BORCS7: variants seen among roughly 807,000 people sequenced by gnomAD.
BORCS7 encodes BLOC-1 related complex subunit 7, also known as BLOC-1-related complex subunit 7.
A neutral mutation model predicts 17.5 loss-of-function variants in BORCS7; 20 were observed. The observed-to-expected ratio is 1.14, with a 90% confidence interval of 0.80 to 1.66. The LOEUF is 1.66. Among genes scored for constraint, BORCS7 ranks in the 40% most tolerant of loss-of-function variants. The pLI is 0.00. For synonymous variants in BORCS7, 57 were observed against 49.8 expected, an observed-to-expected ratio of 1.14 and a Z score of -0.61; for missense variants, 122 against 129.7, an observed-to-expected ratio of 0.94 and a Z score of 0.29.
chr10:102,860,595 G>T, intron 3 of BORCS7, 54 bp downstream of exon 3: 7 of 1,574,540 alleles, frequency 4.4e-6, no homozygotes, highest in Non-Finnish European at 5.2e-6. Flanking sequence ...TCCCTGGTCT[G>T]CTTTCATGGA....
intron 1 of BORCS7, among the ~76,000 whole-genome samples, chr10:102,855,452 G>T (rs868690549): frequency 6.6e-6 from 1 of 152,066 alleles, no homozygotes; most frequent in Non-Finnish European, 1.5e-5. Flanking sequence ...CACCGCTCCT[G>T]GCAGCATTGC....
At chr10:102,855,825 ATC>A (rs1318023995) in intron 1 of BORCS7, among the ~76,000 whole-genome samples, 2 of 152,016 alleles carry the variant, frequency 1.3e-5, no homozygotes, top group African/African-American at 2.4e-5. Flanking sequence ...CAGTGGCCCG[ATC>A]TCGGGCTCAC....
At chr10:102,858,342 A>G (rs1844463565) in intron 1 of BORCS7, among the ~76,000 whole-genome samples, 1 of 151,864 alleles carries the variant, frequency 6.6e-6, no homozygotes, top group Non-Finnish European at 1.5e-5. Flanking sequence ...GAAAACCACA[A>G]AGCTAATAAA....
intron 3 of BORCS7, among the ~76,000 whole-genome samples, chr10:102,861,257 A>G (rs1844515795): frequency 6.6e-6 from 1 of 151,954 alleles, no homozygotes; most frequent in African/African-American, 2.4e-5. Flanking sequence ...TCTACTAAAG[A>G]TACAAAAAAG....
At chr10:102,857,205 C>T (rs1260605819) in intron 1 of BORCS7, among the ~76,000 whole-genome samples, 1 of 152,166 alleles carries the variant, frequency 6.6e-6, no homozygotes, top group Non-Finnish European at 1.5e-5. Flanking sequence ...AATGCTTCCC[C>T]ATCAGCACTT....
chr10:102,855,477 C>G (rs1279507032), intron 1 of BORCS7, among the ~76,000 whole-genome samples: 1 of 152,084 alleles, frequency 6.6e-6, no homozygotes, highest in Non-Finnish European at 1.5e-5. Context: ...TGAGCAGTCT[C>G]CACATAGCTA....
chr10:102,862,228 T>C, intron 4 of BORCS7, 48 bp downstream of exon 4: 1 of 1,562,108 alleles, frequency 6.4e-7, no homozygotes, highest in Non-Finnish European at 8.8e-7. Context: ...TGAAGCAGGC[T>C]GGGGGGATTT....
intron 3 of BORCS7, 25 bp downstream of exon 3, chr10:102,860,566 AT>A (rs757191352): frequency 6.2e-7 from 1 of 1,605,848 alleles, no homozygotes. Context: ...TCCAGCAACT[AT>A]TTGCTGCAGA....
chr10:102,860,273 G>T, intron 1 of BORCS7, 59 bp from the exon 2 acceptor site: 1 of 1,469,006 alleles, frequency 6.8e-7, no homozygotes, highest in African/African-American at 1.4e-5. Flanking sequence ...CAGCTGCAGA[G>T]AGAAGATTAC....
At chr10:102,857,696 C>T (rs538292101) in intron 1 of BORCS7, among the ~76,000 whole-genome samples, 1 of 152,320 alleles carries the variant, frequency 6.6e-6, no homozygotes, top group African/African-American at 2.4e-5. Context: ...AGACTGGGAA[C>T]AGCCTCCAAA....
In BORCS7 at chr10:102,864,950, C is replaced by CTT. The variant is rs1417601325; in HGVS notation, c.*2028_*2029dup. 2 of 150,934 alleles carry CTT rather than the reference C, an allele frequency of 1.3e-5. No individual in the cohort carries two copies. Among genetic ancestry groups the CTT allele is most frequent in the Non-Finnish European group, 2.9e-5 (2 of 67,850 alleles). The allele number at this position is 150,934 out of a possible 1,614,324, so 9.3% of individuals were successfully genotyped here. On this transcript the variant is annotated 3_prime_UTR_variant, in exon 5 of 5. Coordinates refer to ENST00000339834, the MANE Select transcript of BORCS7 (RefSeq NM_001136200.2). ...GCAGTACTATAAGAAAATAAGCATG[C>CTT]TTTAAATCCCTGTATTAGGGATAGA...
At chr10:102,856,243 G>GT (rs1844424759) in intron 1 of BORCS7, among the ~76,000 whole-genome samples, 1 of 151,946 alleles carries the variant, frequency 6.6e-6, no homozygotes, top group Non-Finnish European at 1.5e-5. Flanking sequence ...GGTCCATTGT[G>GT]TTTTTTTCTA....
intron 1 of BORCS7, among the ~76,000 whole-genome samples, chr10:102,859,152 T>C (rs1212561385): frequency 4.6e-5 from 7 of 151,764 alleles, no homozygotes; most frequent in African/African-American, 7.2e-5. Context: ...CTTTTCTTTT[T>C]TTTTTTTTTG....
intron 1 of BORCS7, among the ~76,000 whole-genome samples, chr10:102,858,268 G>A (rs1445796082): frequency 6.6e-6 from 1 of 151,696 alleles, no homozygotes; most frequent in Admixed American, 6.6e-5. Context: ...TACATTTTAA[G>A]TAGGAAAGTG....
At chr10:102,856,062 C>T (rs765788065) in intron 1 of BORCS7, among the ~76,000 whole-genome samples, 16 of 152,090 alleles carry the variant, frequency 1.1e-4, no homozygotes, top group Non-Finnish European at 2.2e-4. Context: ...CACACCCGGT[C>T]GAAAGGGTTA....
intron 1 of BORCS7, among the ~76,000 whole-genome samples, chr10:102,858,194 G>GT (rs1844460405): frequency 1.0e-5 from 1 of 96,648 alleles, no homozygotes; most frequent in Non-Finnish European, 2.3e-5. Flanking sequence ...TATATATAGA[G>GT]AGAGAGAGCG....
rs1844558311 is a variant in BORCS7 at position 102,863,943 on chromosome 10, A to G, written c.*1019A>G. 1 of 152,220 alleles carries G rather than the reference A, an allele frequency of 6.6e-6. No homozygotes were observed. Among genetic ancestry groups the G allele is most frequent in the African/African-American group, 2.4e-5 (1 of 41,466 alleles). 9.4% of individuals were successfully genotyped at this position (152,220 alleles called of 1,614,324 possible). A position where few individuals can be genotyped will look rare whatever the true frequency, so the allele number is the denominator to read the frequency against. ...TTCACTTGCATGACGTTACTGCCAA[A>G]TATGAAGGCAGTTGAATTATTATGA... On this transcript the variant is annotated 3_prime_UTR_variant, in exon 5 of 5. Transcript: ENST00000339834.
intron 3 of BORCS7, chr10:102,860,894 A>C (rs1844507963): frequency 5.7e-6 from 2 of 351,190 alleles, no homozygotes; most frequent in Non-Finnish European, 1.0e-5. Context: ...GACTGTGCCC[A>C]AGGTCTCTTC....
At chr10:102,860,619 C>A in intron 3 of BORCS7, 78 bp downstream of exon 3, 1 of 1,511,896 alleles carries the variant, frequency 6.6e-7, no homozygotes, top group South Asian at 1.1e-5. Flanking sequence ...TGTGCTTCAG[C>A]ACTTTCCTGT....
Sources: gnomAD v4.1 joint callset for allele counts (sites outside exome capture counted in the v4.1 genomes callset) on GRCh38, gnomAD v4.1.1 for gene constraint, MANE v1.5 for transcripts, NCBI Gene and HGNC (gene_info 2026-07-23, HGNC 2026-07-21) for gene names.